BCORL1: variants seen among roughly 807,000 people sequenced by gnomAD.
The protein encoded by BCORL1 is BCL-6 corepressor-like protein 1.
In BCORL1, 7 loss-of-function variants were observed where a neutral mutation model predicts 87.6. The ratio of observed to expected loss-of-function variants is 0.08; its 90% CI spans 0.05 to 0.15. The LOEUF (loss-of-function observed/expected upper bound fraction) is 0.15. BCORL1 is among the 10% of genes least tolerant of loss of function. The pLI is 1.00. For missense variants in BCORL1, 1,215 were observed against 1,499.7 expected (o/e 0.81, Z 3.13); for synonymous variants, 591 against 634.4 (o/e 0.93, Z 1.03).
chrX:129,982,505 C>T (rs1040456622), upstream of BCORL1: 3 of 107,682 alleles, frequency 2.8e-5, no homozygotes, highest in Non-Finnish European at 5.8e-5. Flanking sequence ...GAGTTGTAGT[C>T]CGGTGGAGCG....
intron 1 of BCORL1, among the ~76,000 whole-genome samples, chrX:129,991,289 G>A (rs1927131321): frequency 9.1e-6 from 1 of 110,420 alleles, no homozygotes; most frequent in African/African-American, 3.3e-5. Flanking sequence ...GCTGATTTTT[G>A]TATTTTTTCT....
At chrX:130,051,824 A>T (rs774764973) in intron 12 of BCORL1, 36 bp from the exon 13 acceptor site, 75 of 1,123,734 alleles carry the variant, frequency 6.7e-5, no homozygotes, top group Non-Finnish European at 8.9e-5. Context: ...TTGTACATGT[A>T]TCTGAGTCCT....
rs755020390 is a variant in BCORL1 at position 130,021,129 on chromosome X, C to T, written c.3586C>T (p.Arg1196Ter). The change falls in exon 5 of 14, where the codon CGA becomes TGA. Residue 1196 changes from arginine (R) to a stop codon, truncating the protein, a stop_gained. Transcript: ENST00000540052. LOFTEE classifies it high-confidence loss of function. Reference sequence around the variant, plus strand: ...GCCGGAGTCCCAGTCTCCAGGAAAACGAGCCGACAGCCACGAGGAAGGTAG... The same window carrying T: ...GCCGGAGTCCCAGTCTCCAGGAAAATGAGCCGACAGCCACGAGGAAGGTAG... The part of the protein sequence containing the change: ...TKPESQSPGK[R>*]ADSHEEGSLE... 1 of 1,199,941 alleles carries T rather than the reference C, an allele frequency of 8.3e-7. No homozygotes were observed. The highest frequency in any genetic ancestry group is 1.1e-6 in the Non-Finnish European group (1 of 890,830).
At chrX:129,986,837 A>C (rs191235177) in intron 1 of BCORL1, among the ~76,000 whole-genome samples, 11 of 111,854 alleles carry the variant, frequency 9.8e-5, no homozygotes, top group African/African-American at 3.6e-4. Flanking sequence ...AAACAAAAAA[A>C]CAAAAAAACA....
intron 8 of BCORL1, among the ~76,000 whole-genome samples, chrX:130,032,307 C>T (rs930035583): frequency 4.5e-5 from 5 of 111,161 alleles, no homozygotes; most frequent in Admixed American, 9.6e-5. Flanking sequence ...GTAGCTTGCT[C>T]GCATGGCTGG....
intron 4 of BCORL1, among the ~76,000 whole-genome samples, chrX:130,020,205 C>T (rs1353164640): frequency 3.6e-5 from 4 of 112,277 alleles, no homozygotes; most frequent in African/African-American, 1.3e-4. Context: ...AGCCAGTGGA[C>T]ACATGGGATT....
chrX:129,985,699 C>T (rs919460858), intron 1 of BCORL1, among the ~76,000 whole-genome samples: 1 of 110,905 alleles, frequency 9.0e-6, no homozygotes, highest in Admixed American at 9.6e-5. Flanking sequence ...TGTTGTTAGG[C>T]GGACATCTTT....
At chrX:130,020,509 G>A (rs1399522607) in intron 4 of BCORL1, among the ~76,000 whole-genome samples, 1 of 111,900 alleles carries the variant, frequency 8.9e-6, no homozygotes, top group East Asian at 2.8e-4. Flanking sequence ...TAATTTACAC[G>A]TGAAAAGAGA....
intron 11 of BCORL1, among the ~76,000 whole-genome samples, chrX:130,048,293 A>G (rs1410477622): frequency 8.9e-6 from 1 of 111,971 alleles, no homozygotes; most frequent in African/African-American, 3.2e-5. Context: ...TTGGCTGCCA[A>G]CTTCCTCCTG....
chrX:130,056,112 G>A lies in BCORL1; in HGVS notation c.5334G>A (p.Val1778=), dbSNP rs2124597082. The A allele has an allele frequency of 2.5e-6, 3 of 1,179,904 alleles. No individual in the cohort carries two copies. The highest frequency in any genetic ancestry group is 1.9e-5 in the South Asian group (1 of 52,984). The part of the protein sequence containing the change: ...PDLLRLLGSE[V]EFQSCNS ...TACTTCGGCTCCTAGGGTCCGAGGTGGAATTCCAGTCTTGCAACAGTTGAC... is the reference window on the plus strand; with the variant it reads ...TACTTCGGCTCCTAGGGTCCGAGGTAGAATTCCAGTCTTGCAACAGTTGAC... The change falls in exon 14 of 14, where the codon GTG becomes GTA. Residue 1778 remains valine (V), a synonymous_variant. Coordinates refer to ENST00000540052, the MANE Select transcript of BCORL1 (RefSeq NM_001379451.1).
chrX:130,031,111 C>CGCT (rs1930575027), intron 8 of BCORL1, among the ~76,000 whole-genome samples: 2 of 113,162 alleles, frequency 1.8e-5, no homozygotes, highest in Non-Finnish European at 3.8e-5. Context: ...CAACTTGCCT[C>CGCT]GCTGCTGCTC....
chrX:130,036,540 C>T (rs1386836058), intron 9 of BCORL1, among the ~76,000 whole-genome samples: 28 of 112,731 alleles, frequency 2.5e-4, no homozygotes, highest in Admixed American at 7.5e-4. Flanking sequence ...GGATTACAGG[C>T]GTGAGCCACT....
chrX:130,025,465 C>T, intron 7 of BCORL1, 86 bp downstream of exon 7: 5 of 914,771 alleles, frequency 5.5e-6, no homozygotes, highest in Non-Finnish European at 6.0e-6. Context: ...CCAAAGGCTT[C>T]GGGACCCAGA....
chrX:129,988,411 T>C (rs1225859517), intron 1 of BCORL1, among the ~76,000 whole-genome samples: 1 of 110,890 alleles, frequency 9.0e-6, no homozygotes, highest in African/African-American at 3.3e-5. Context: ...TTCTTTTTTA[T>C]TCTAAGCAGA....
intron 4 of BCORL1, among the ~76,000 whole-genome samples, chrX:130,017,042 C>A (rs1045822696): frequency 5.3e-5 from 6 of 112,194 alleles, no homozygotes; most frequent in African/African-American, 1.6e-4. Flanking sequence ...CACTAAGGGA[C>A]AAAATTTCTG....
Position 130,034,633 on chromosome X carries a change from C to T in BCORL1, c.4484C>T (p.Ala1495Val). ...EARRLIVNKN[A>V]GETLLQRAAR... ...CGTCGGCTCATAGTGAACAAAAATG[C>T]TGGTGAGACCCTCCTGCAGAGGGCG... Residue 1495 changes from alanine (A) to valine (V), a missense_variant, in exon 9 of 14, where the codon GCT becomes GTT. By Grantham distance (64) the Ala-to-Val change is moderately conservative. Transcript: ENST00000540052. 2 of 983,008 alleles carry T rather than the reference C, an allele frequency of 2.0e-6. No homozygotes were observed. Among genetic ancestry groups the T allele is most frequent in the Non-Finnish European group, 2.6e-6 (2 of 756,138 alleles). The allele number at this position is 983,008 out of a possible 1,213,427, so 81.0% of individuals were successfully genotyped here.
rs1377375022 is a variant in BCORL1 at position 130,056,258 on chromosome X, C to T, written c.*122C>T. The stretch of plus-strand genomic sequence containing the variant: ...GCAATAATACGGACCAACAAGAAGC[C>T]GCCTTATCAATGCCAGCATTAGCGA... On this transcript the variant is annotated 3_prime_UTR_variant, in exon 14 of 14. Transcript: ENST00000540052. The T allele has an allele frequency of 5.2e-6, 4 of 774,460 alleles. No homozygotes were observed. The highest frequency in any genetic ancestry group is 3.7e-5 in the East Asian group (1 of 27,273). The allele number at this position is 774,460 out of a possible 1,213,427, so 63.8% of individuals were successfully genotyped here. A position where few individuals can be genotyped will look rare whatever the true frequency, so the allele number is the denominator to read the frequency against.
chrX:129,996,515 G>T (rs1165374644), intron 1 of BCORL1, among the ~76,000 whole-genome samples: 1 of 111,679 alleles, frequency 9.0e-6, no homozygotes, highest in African/African-American at 3.3e-5. Context: ...ACCGAGTTGT[G>T]TTCCATAAGT....
At chrX:129,993,196 T>C (rs187148546) in intron 1 of BCORL1, among the ~76,000 whole-genome samples, 1 of 112,105 alleles carries the variant, frequency 8.9e-6, no homozygotes, top group Non-Finnish European at 1.9e-5. Context: ...ATCACTTAAG[T>C]TTTGCGTGAC....
Sources: gnomAD v4.1 joint callset for allele counts (sites outside exome capture counted in the v4.1 genomes callset) on GRCh38, gnomAD v4.1.1 for gene constraint, MANE v1.5 for transcripts, NCBI Gene and HGNC (gene_info 2026-07-23, HGNC 2026-07-21) for gene names.